Variants in NLRP11 observed in about 807,000 individuals in gnomAD.
NLRP11 encodes NACHT, LRR and PYD domains-containing protein 11.
A neutral mutation model predicts 79.3 loss-of-function variants in NLRP11; 53 were observed. The observed-to-expected ratio is 0.67, with a 90% CI of 0.54 to 0.84. NLRP11 has a LOEUF of 0.84. Ranked by LOEUF, NLRP11 falls within the 40% of genes least tolerant of loss-of-function variation. The pLI is 0.00. For synonymous variants in NLRP11, 518 were observed against 462.6 expected, an observed-to-expected ratio of 1.12 and a Z score of -1.54; for missense variants, 1,264 against 1,255.0, an observed-to-expected ratio of 1.01 and a Z score of -0.11.
At chr19:55,829,010 C>T (rs1176515211) in intron 1 of NLRP11, among the ~76,000 whole-genome samples, 2 of 152,094 alleles carry the variant, frequency 1.3e-5, no homozygotes, top group African/African-American at 2.4e-5. Context: ...TTACAAATGG[C>T]TAACACACGT....
At chr19:55,793,499 T>G (rs1245295269) in intron 6 of NLRP11, among the ~76,000 whole-genome samples, 1 of 118,342 alleles carries the variant, frequency 8.5e-6, no homozygotes, top group Non-Finnish European at 1.6e-5. Flanking sequence ...ACCGGAGAGG[T>G]GGAGGTTGAA....
chr19:55,789,782 T>C (rs1225215574), intron 7 of NLRP11, among the ~76,000 whole-genome samples: 1 of 152,230 alleles, frequency 6.6e-6, no homozygotes, highest in Non-Finnish European at 1.5e-5. Context: ...CTTTCAGTAC[T>C]CATGTCAAAA....
chr19:55,832,425 C>A (rs576041378), upstream of NLRP11, among the ~76,000 whole-genome samples: 1 of 152,222 alleles, frequency 6.6e-6, no homozygotes, highest in Non-Finnish European at 1.5e-5. Context: ...ATTTGTGGAA[C>A]AAATGCAACC....
chr19:55,817,477 A>T (rs1334645909), intron 2 of NLRP11, among the ~76,000 whole-genome samples: 1 of 150,716 alleles, frequency 6.6e-6, no homozygotes, highest in East Asian at 1.9e-4. Flanking sequence ...ACACACACAC[A>T]CAAATACTAC....
intron 4 of NLRP11, among the ~76,000 whole-genome samples, chr19:55,803,402 G>A (rs917793572): frequency 2.6e-5 from 4 of 152,044 alleles, no homozygotes; most frequent in African/African-American, 9.7e-5. Flanking sequence ...ATAGGAATGG[G>A]CAAAGATTTC....
chr19:55,803,664 G>A (rs1260925209), intron 4 of NLRP11, among the ~76,000 whole-genome samples: 1 of 152,168 alleles, frequency 6.6e-6, no homozygotes, highest in African/African-American at 2.4e-5. Flanking sequence ...GTTTTCAGAA[G>A]GTGACATACA....
chr19:55,800,257 T>A (rs1054319604), intron 5 of NLRP11, among the ~76,000 whole-genome samples: 3 of 152,228 alleles, frequency 2.0e-5, no homozygotes, highest in African/African-American at 7.2e-5. Flanking sequence ...CTAGCATGAC[T>A]GAGGCACTGG....
At chr19:55,786,838 G>A (rs1011115654) in intron 9 of NLRP11, among the ~76,000 whole-genome samples, 2 of 152,058 alleles carry the variant, frequency 1.3e-5, no homozygotes, top group Non-Finnish European at 2.9e-5. Flanking sequence ...AAGAGCCCTG[G>A]GGAGGAAAAA....
At chr19:55,794,122 T>C (rs750699965) in intron 6 of NLRP11, among the ~76,000 whole-genome samples, 68 of 152,308 alleles carry the variant, frequency 4.5e-4, no homozygotes, top group Non-Finnish European at 8.8e-4. Context: ...TACGAAAAAC[T>C]CCATGCCAAC....
chr19:55,808,754 T>C lies in NLRP11; in HGVS notation c.1841+15A>G. The C allele has an allele frequency of 6.3e-7, 1 of 1,581,844 alleles. No individual in the cohort carries two copies. ...TAGGAAGACAGGAAAGAGGATTTAT[T>C]TTTTAAAGACTCACCTAGCAGTTGG... On this transcript the variant is annotated intron_variant, in intron 3 of 9. Coordinates refer to ENST00000589093, the Ensembl canonical transcript of NLRP11.
exon 3 of NLRP11, chr19:55,808,846 G>A: frequency 6.2e-7 from 1 of 1,613,914 alleles, no homozygotes; most frequent in Non-Finnish European, 8.5e-7. Context: ...TCAGGTGACA[G>A]CAGTAATCCA....
At chr19:55,820,722 G>A (rs1341578825) in intron 1 of NLRP11, among the ~76,000 whole-genome samples, 1 of 152,086 alleles carries the variant, frequency 6.6e-6, no homozygotes, top group African/African-American at 2.4e-5. Context: ...TGAATAAAAT[G>A]GAATGTGAAG....
intron 4 of NLRP11, among the ~76,000 whole-genome samples, chr19:55,804,771 A>G (rs914101721): frequency 6.6e-6 from 1 of 151,858 alleles, no homozygotes; most frequent in South Asian, 2.1e-4. Flanking sequence ...AGTTAAAAAA[A>G]TAACAATTCA....
rs1345435797 is a variant in NLRP11, at chr19:55,809,221, C to A, written c.1389G>T (p.Leu463=). ...GGATCAGATAGTTGGGTACTGCCAT[C>A]AGAAATGCAATGGCTGTACAAAACT... The change falls in exon 3 of 10, where the codon CTG becomes CTT. Residue 463 remains leucine (L), a synonymous_variant. Coordinates refer to ENST00000589093, the Ensembl canonical transcript of NLRP11. This position sits in a 1 kb window ranked among gnomAD's most constrained non-coding sequence, Gnocchi z 4.5. The A allele has an allele frequency of 1.5e-5, 24 of 1,613,504 alleles. No individual in the cohort carries two copies. The highest frequency in any genetic ancestry group is 1.7e-6 in the Non-Finnish European group (2 of 1,179,544).
chr19:55,799,932 A>G (rs537781157), intron 5 of NLRP11, among the ~76,000 whole-genome samples: 2 of 152,138 alleles, frequency 1.3e-5, no homozygotes, highest in Non-Finnish European at 2.9e-5. Context: ...ACACCACTGC[A>G]CTCCAGCCAG....
At chr19:55,820,851 C>T (rs555068067) in intron 1 of NLRP11, among the ~76,000 whole-genome samples, 3 of 152,198 alleles carry the variant, frequency 2.0e-5, no homozygotes, top group Admixed American at 1.3e-4. Flanking sequence ...ATACAGGTGT[C>T]GTGTTGGCTG....
intron 7 of NLRP11, among the ~76,000 whole-genome samples, chr19:55,790,595 T>C (rs1450050492): frequency 3.9e-5 from 6 of 152,250 alleles, no homozygotes; most frequent in Non-Finnish European, 8.8e-5. Flanking sequence ...ACTTAACATA[T>C]ATTCTTTGTT....
At chr19:55,829,719 A>G (rs1317229786) in intron 1 of NLRP11, among the ~76,000 whole-genome samples, 1 of 152,138 alleles carries the variant, frequency 6.6e-6, no homozygotes, top group Non-Finnish European at 1.5e-5. Context: ...AAAGCTCATA[A>G]AACAGCGTTT....
chr19:55,798,995 T>C (rs1979212396), intron 5 of NLRP11, among the ~76,000 whole-genome samples: 1 of 152,178 alleles, frequency 6.6e-6, no homozygotes, highest in Non-Finnish European at 1.5e-5. Context: ...AGAAAATCTG[T>C]ATTTGAAATG....
Sources: gnomAD v4.1 joint callset for allele counts (sites outside exome capture counted in the v4.1 genomes callset) on GRCh38, gnomAD v4.1.1 for gene constraint, Gnocchi (gnomAD v3.1) non-coding constraint, MANE v1.5 for transcripts, NCBI Gene and HGNC (gene_info 2026-07-23, HGNC 2026-07-21) for gene names.